Variants in GALNT17 observed in about 807,000 individuals in gnomAD.
GALNT17 encodes the protein polypeptide N-acetylgalactosaminyltransferase 17, also known as UDP-GalNAc:polypeptide N-acetylgalactosaminyltransferase-like 3.
In GALNT17, 29 loss-of-function variants were observed where a neutral mutation model predicts 63.7. The ratio of observed to expected loss-of-function variants is 0.46; its 90% CI spans 0.34 to 0.62. The LOEUF (loss-of-function observed/expected upper bound fraction) is 0.62. Among genes scored for constraint, GALNT17 ranks in the 20% least tolerant of loss-of-function variants. GALNT17 has a pLI of 0.01. For missense variants in GALNT17, 603 were observed against 799.6 expected (o/e 0.75, Z 2.97); for synonymous variants, 305 against 318.3 (o/e 0.96, Z 0.45).
intron 1 of GALNT17, among the ~76,000 whole-genome samples, chr7:71,276,984 C>G (rs1790694095): frequency 6.6e-6 from 1 of 152,016 alleles, no homozygotes; most frequent in African/African-American, 2.4e-5. Flanking sequence ...GGTGACAGAG[C>G]AAGACTCCAT....
chr7:71,563,573 A>G (rs555893426), intron 5 of GALNT17, among the ~76,000 whole-genome samples: 5 of 152,122 alleles, frequency 3.3e-5, no homozygotes, highest in Admixed American at 2.0e-4. Context: ...CCATGGGCAG[A>G]TATGTCTTTT....
At chr7:71,405,047 C>T (rs1793304675) in intron 3 of GALNT17, among the ~76,000 whole-genome samples, 1 of 152,192 alleles carries the variant, frequency 6.6e-6, no homozygotes, top group Admixed American at 6.5e-5. Flanking sequence ...ACATTTGGTC[C>T]TCATGCAACC....
rs761584365 is a variant in GALNT17, at chr7:71,693,263, T to TACACAC, written c.1500+15999_1500+16004dup. ...ACACATATATATACACACACACACA[T>TACACAC]ACACACACACACACACACACACACA... On this transcript the variant is annotated intron_variant, in intron 9 of 10. Coordinates refer to ENST00000333538, the MANE Select transcript of GALNT17 (RefSeq NM_022479.3). 3.8e-4 allele frequency among the ~76,000 whole-genome samples: 41 copies of TACACAC among 108,894 alleles called. 1 individual carries two copies. The highest frequency in any genetic ancestry group is 1.4e-3 in the African/African-American group (40 of 27,676). 71.4% of individuals were successfully genotyped at this position (108,894 alleles called of 152,430 possible). A position where few individuals can be genotyped will look rare whatever the true frequency, so the allele number is the denominator to read the frequency against.
chr7:71,628,170 T>C (rs1790402768), intron 6 of GALNT17, among the ~76,000 whole-genome samples: 1 of 152,112 alleles, frequency 6.6e-6, no homozygotes, highest in African/African-American at 2.4e-5. Context: ...ATTTCCAATC[T>C]ATCACGCAAT....
rs75937124 is a variant in GALNT17, at chr7:71,493,267, T to C, written c.962+72162T>C. On this transcript the variant is annotated intron_variant, in intron 5 of 10. Transcript: ENST00000333538. ...CTACCCAGCGTGGTTCTGCCAGGCA[T>C]CTGTGATGTTGCCCCAGTTATCTGG... 6.4e-4 allele frequency among the ~76,000 whole-genome samples: 98 copies of C among 152,264 alleles called. 1 individual carries two copies. The highest frequency in any genetic ancestry group is 5.1e-4 in the Non-Finnish European group (35 of 68,028).
chr7:71,561,962 CTT>C (rs572996976), intron 5 of GALNT17, among the ~76,000 whole-genome samples: 2 of 146,162 alleles, frequency 1.4e-5, no homozygotes, highest in Admixed American at 6.9e-5. Flanking sequence ...TGTTTTTTGT[CTT>C]TTTTTTTTTG....
chr7:71,607,568 G>C (rs1584086459), intron 6 of GALNT17, among the ~76,000 whole-genome samples: 1 of 152,130 alleles, frequency 6.6e-6, no homozygotes, highest in Admixed American at 6.6e-5. Context: ...AACATGACAC[G>C]TACTATTTGT....
intron 2 of GALNT17, among the ~76,000 whole-genome samples, chr7:71,376,750 A>G (rs1792736431): frequency 6.6e-6 from 1 of 151,854 alleles, no homozygotes; most frequent in Non-Finnish European, 1.5e-5. Flanking sequence ...CTAGGAGTTC[A>G]AGACCAGCCT....
At chr7:71,225,443 TTGC>T (rs1789664076) in intron 1 of GALNT17, among the ~76,000 whole-genome samples, 1 of 152,234 alleles carries the variant, frequency 6.6e-6, no homozygotes, top group South Asian at 2.1e-4. Flanking sequence ...AGCGATTACA[TTGC>T]ACGTTGCTTC....
At chr7:71,590,259 A>G (rs1035724295) in intron 6 of GALNT17, among the ~76,000 whole-genome samples, 2 of 152,164 alleles carry the variant, frequency 1.3e-5, no homozygotes, top group Admixed American at 1.3e-4. Context: ...CTCTGCTGAA[A>G]TGTATTATCA....
At chr7:71,260,971 T>C (rs775821849) in intron 1 of GALNT17, among the ~76,000 whole-genome samples, 17 of 152,270 alleles carry the variant, frequency 1.1e-4, no homozygotes, top group African/African-American at 2.2e-4. Flanking sequence ...TTTCAACATA[T>C]AGAGATGACA....
intron 1 of GALNT17, among the ~76,000 whole-genome samples, chr7:71,256,787 A>G (rs893055633): frequency 1.3e-5 from 2 of 152,184 alleles, no homozygotes; most frequent in African/African-American, 4.8e-5. Flanking sequence ...CTTTTTGCCA[A>G]CACTGCGTAT....
intron 5 of GALNT17, among the ~76,000 whole-genome samples, chr7:71,470,518 G>A (rs1449424195): frequency 6.6e-6 from 1 of 152,008 alleles, no homozygotes; most frequent in Non-Finnish European, 1.5e-5. Flanking sequence ...GATTCAGAAA[G>A]GAAAAACTCT....
intron 5 of GALNT17, among the ~76,000 whole-genome samples, chr7:71,521,919 G>A (rs1008631014): frequency 6.6e-6 from 1 of 152,136 alleles, no homozygotes; most frequent in Non-Finnish European, 1.5e-5. Context: ...GGTTCTAGAA[G>A]GAGTCACAGA....
rs563157016 is a variant in GALNT17 at position 71,466,040 on chromosome 7, A to G, written c.962+44935A>G. Among the ~76,000 whole-genome samples the G allele has an allele frequency of 9.2e-5, 14 of 152,336 alleles. No individual in the cohort carries two copies. In the South Asian group the frequency reaches 2.1e-3, roughly 23 times the overall value. Reference sequence around the variant, plus strand: ...GTCTAGAAAGGGAAGGCCTGGCTGCATGAATGGAGATTCTTTACAGATGCA... The same window carrying G: ...GTCTAGAAAGGGAAGGCCTGGCTGCGTGAATGGAGATTCTTTACAGATGCA... On this transcript the variant is annotated intron_variant, in intron 5 of 10. Coordinates refer to ENST00000333538, the MANE Select transcript of GALNT17 (RefSeq NM_022479.3).
intron 5 of GALNT17, among the ~76,000 whole-genome samples, chr7:71,453,205 A>G (rs1787297633): frequency 6.6e-6 from 1 of 152,164 alleles, no homozygotes; most frequent in Non-Finnish European, 1.5e-5. Context: ...ACCAGATTTC[A>G]TTTGGAACAT....
rs114600688 is a variant in GALNT17, at chr7:71,534,101, C to G, written c.963-37184C>G. ...TCAGATAAAACAAATGTAAGGTGTT[C>G]GTCTGTTCTCATGCTACTAATAAAG... On this transcript the variant is annotated intron_variant, in intron 5 of 10. Transcript: ENST00000333538. Among the ~76,000 whole-genome samples, 642 of 152,140 alleles carry G rather than the reference C, an allele frequency of 4.2e-3. 10 individuals are homozygous for G. The highest frequency in any genetic ancestry group is 0.015 in the African/African-American group (608 of 41,504).
At chr7:71,256,794 G>T (rs146368107) in intron 1 of GALNT17, among the ~76,000 whole-genome samples, 1 of 152,138 alleles carries the variant, frequency 6.6e-6, no homozygotes, top group African/African-American at 2.4e-5. Context: ...CCAACACTGC[G>T]TATCTCAGTA....
chr7:71,224,052 A>G (rs193214965), intron 1 of GALNT17, among the ~76,000 whole-genome samples: 190 of 152,186 alleles, frequency 1.2e-3, no homozygotes, highest in Non-Finnish European at 2.2e-3. Flanking sequence ...GCAGGTGTTC[A>G]ATACATTTTT....
Sources: gnomAD v4.1 joint callset for allele counts (sites outside exome capture counted in the v4.1 genomes callset) on GRCh38, gnomAD v4.1.1 for gene constraint, MANE v1.5 for transcripts, NCBI Gene and HGNC (gene_info 2026-07-23, HGNC 2026-07-21) for gene names.